The following EPHA4 variants were observed in gnomAD, a reference collection of about 807,000 sequenced individuals.
The protein encoded by EPHA4 is ephrin type-A receptor 4.
In EPHA4, 19 loss-of-function variants were observed where a neutral mutation model predicts 108.3. The ratio of observed to expected loss-of-function variants is 0.18; its 90% CI spans 0.12 to 0.26. The LOEUF (loss-of-function observed/expected upper bound fraction) is 0.26. Among genes scored for constraint, EPHA4 ranks in the 10% least tolerant of loss-of-function variants. EPHA4 has a pLI of 1.00. For synonymous variants in EPHA4, 449 were observed against 455.5 expected, an observed-to-expected ratio of 0.99 and a Z score of 0.18; for missense variants, 917 against 1,254.0, an observed-to-expected ratio of 0.73 and a Z score of 4.06.
intron 5 of EPHA4, among the ~76,000 whole-genome samples, chr2:221,459,720 G>T (rs1691081445): frequency 6.6e-6 from 1 of 152,080 alleles, no homozygotes; most frequent in Admixed American, 6.5e-5. Flanking sequence ...TTCACTCCAG[G>T]TAATAAATAT....
chr2:221,509,883 A>G (rs1224183702), intron 3 of EPHA4, among the ~76,000 whole-genome samples: 1 of 152,228 alleles, frequency 6.6e-6, no homozygotes, highest in African/African-American at 2.4e-5. Context: ...AAAGGCCTGA[A>G]CTTGGTTTTT....
At chr2:221,456,489 C>T (rs964504469) in intron 7 of EPHA4, 124 bp downstream of exon 7, 5 of 891,968 alleles carry the variant, frequency 5.6e-6, no homozygotes, top group Non-Finnish European at 8.4e-6. Flanking sequence ...AAGACATATT[C>T]ATTGCAGCAA....
At chr2:221,524,393 G>T (rs955133570) in intron 3 of EPHA4, among the ~76,000 whole-genome samples, 2 of 152,220 alleles carry the variant, frequency 1.3e-5, no homozygotes, top group Admixed American at 1.3e-4. Context: ...GGTTCCTCCA[G>T]TGTTTGCCTA....
At chr2:221,439,932 C>A (rs1690364509) in intron 11 of EPHA4, among the ~76,000 whole-genome samples, 1 of 152,194 alleles carries the variant, frequency 6.6e-6, no homozygotes, top group Non-Finnish European at 1.5e-5. Flanking sequence ...TCTACCCTTT[C>A]ACCCTCACAC....
chr2:221,493,524 A>G, intron 4 of EPHA4, among the ~76,000 whole-genome samples: 1 of 152,226 alleles, frequency 6.6e-6, no homozygotes, highest in East Asian at 1.9e-4. Context: ...GGACGATGTT[A>G]TTTTAATTTG....
chr2:221,536,531 T>C (rs989957309), intron 3 of EPHA4, among the ~76,000 whole-genome samples: 1 of 152,198 alleles, frequency 6.6e-6, no homozygotes, highest in Non-Finnish European at 1.5e-5. Flanking sequence ...GTGATTACAT[T>C]TGGAGACAGA....
chr2:221,474,504 T>C (rs1210435557), intron 5 of EPHA4, among the ~76,000 whole-genome samples: 1 of 151,974 alleles, frequency 6.6e-6, no homozygotes, highest in Non-Finnish European at 1.5e-5. Context: ...ATCCCATGGC[T>C]AGACCAGAGC....
intron 13 of EPHA4, among the ~76,000 whole-genome samples, 158 bp downstream of exon 13, chr2:221,436,241 G>A (rs1405053325): frequency 6.6e-6 from 1 of 152,042 alleles, no homozygotes; most frequent in Admixed American, 6.5e-5. Context: ...CTCTTTTATT[G>A]GAAACATGGT....
At chr2:221,455,787 G>A in intron 7 of EPHA4, 129 bp from the exon 8 acceptor site, 1 of 684,450 alleles carries the variant, frequency 1.5e-6, no homozygotes, top group Non-Finnish European at 2.5e-6. Flanking sequence ...TTTCAGAAAG[G>A]GCAGCAGTTT....
At chr2:221,506,116 A>T (rs59575079) in intron 3 of EPHA4, among the ~76,000 whole-genome samples, 11 of 152,236 alleles carry the variant, frequency 7.2e-5, no homozygotes, top group African/African-American at 2.6e-4. Context: ...CTCCAACCCT[A>T]TCTTGTGGGC....
At chr2:221,540,568 TAGTA>T (rs1392611745) in intron 3 of EPHA4, among the ~76,000 whole-genome samples, 6 of 152,172 alleles carry the variant, frequency 3.9e-5, no homozygotes, top group Non-Finnish European at 8.8e-5. Context: ...ACTGGGAACA[TAGTA>T]AGAAACTTTT....
chr2:221,522,735 CTATTATTATTATTATTAT>C (rs6147191), intron 3 of EPHA4, among the ~76,000 whole-genome samples: 79,537 of 148,666 alleles, frequency 0.54, 22,154 homozygotes, highest in African/African-American at 0.7. Flanking sequence ...AAATAAAATC[CTATTATTATTATTATTAT>C]TATTATTATT....
chr2:221,471,216 G>A (rs1691477390), intron 5 of EPHA4, among the ~76,000 whole-genome samples: 1 of 151,992 alleles, frequency 6.6e-6, no homozygotes, highest in African/African-American at 2.4e-5. Flanking sequence ...ACTGTTTTAG[G>A]ACTTGTTTTT....
chr2:221,482,894 C>T (rs1167734017), intron 4 of EPHA4, among the ~76,000 whole-genome samples: 1 of 152,168 alleles, frequency 6.6e-6, no homozygotes, highest in African/African-American at 2.4e-5. Flanking sequence ...TTCTCTTTCC[C>T]ACGCAAACAA....
At chr2:221,457,426 T>G (rs547361585) in intron 6 of EPHA4, among the ~76,000 whole-genome samples, 6 of 152,186 alleles carry the variant, frequency 3.9e-5, no homozygotes, top group Admixed American at 6.5e-5. Flanking sequence ...TTATTCTGAA[T>G]AGCAGTGATC....
chr2:221,502,455 G>T, intron 3 of EPHA4: 1 of 467,236 alleles, frequency 2.1e-6, no homozygotes, highest in Non-Finnish European at 4.4e-6. Context: ...GTGGGGAGAA[G>T]GACCTATCAG....
At chr2:221,493,450 TAAAAAATA>T (rs1311115078) in intron 4 of EPHA4, among the ~76,000 whole-genome samples, 1 of 151,672 alleles carries the variant, frequency 6.6e-6, no homozygotes, top group East Asian at 1.9e-4. Context: ...CTTAAAAAAA[TAAAAAATA>T]AAAAAATAAA....
At chr2:221,486,852 T>C (rs1691990277) in intron 4 of EPHA4, among the ~76,000 whole-genome samples, 1 of 151,852 alleles carries the variant, frequency 6.6e-6, no homozygotes, top group Non-Finnish European at 1.5e-5. Context: ...GATAAGTCAA[T>C]GAATGAATGA....
rs1345728729 is a variant in EPHA4, at chr2:221,498,975, G to T, written c.979+2042C>A. On this transcript the variant is annotated intron_variant, in intron 4 of 17. Transcript: ENST00000281821. ...CTGTCTAATTTTTGTATTTTTAGTG[G>T]AGACGGAGTTTTGCTATGTTGCCCA... Among the ~76,000 whole-genome samples the T allele has an allele frequency of 2.0e-5, 3 of 151,506 alleles. No individual in the cohort carries two copies. In the East Asian group the frequency reaches 5.8e-4, roughly 29 times the overall value.
Sources: gnomAD v4.1 joint callset for allele counts (sites outside exome capture counted in the v4.1 genomes callset) on GRCh38, gnomAD v4.1.1 for gene constraint, MANE v1.5 for transcripts, NCBI Gene and HGNC (gene_info 2026-07-23, HGNC 2026-07-21) for gene names.